PLPBP: variants seen among roughly 807,000 people sequenced by gnomAD.
PLPBP encodes the protein pyridoxal phosphate homeostasis protein.
Under a neutral mutation model 31.2 loss-of-function variants are expected in PLPBP, and 21 were observed. That is an observed-to-expected ratio of 0.67 (90% confidence interval 0.48 to 0.97). The LOEUF (loss-of-function observed/expected upper bound fraction) is 0.97, where lower values mean the gene tolerates loss of function less well. PLPBP is among the 50% of genes least tolerant of loss of function. PLPBP has a pLI of 0.00. For missense variants in PLPBP, 308 were observed against 354.4 expected (o/e 0.87, Z 1.05); for synonymous variants, 124 against 135.6 (o/e 0.91, Z 0.59).
At chr8:37,772,163 T>G (rs1264161749) in intron 4 of PLPBP, among the ~76,000 whole-genome samples, 1 of 152,208 alleles carries the variant, frequency 6.6e-6, no homozygotes, top group Non-Finnish European at 1.5e-5. Flanking sequence ...TGTGATAATC[T>G]GTCCTGTGGA....
rs1026567217 is a variant in PLPBP at position 37,762,654 on chromosome 8, C to G, written c.-6C>G. 7 of 1,574,054 alleles carry G rather than the reference C, an allele frequency of 4.4e-6. No homozygotes were observed. The highest frequency in any genetic ancestry group is 1.2e-5 in the South Asian group (1 of 86,360). ...GGGCCTGGGGCTCGGCGTCGGTCCC[C>G]GGGGGATGTGGAGAGCTGGCAGCAT... On this transcript the variant is annotated 5_prime_UTR_variant, in exon 1 of 8. Coordinates refer to ENST00000328195, the MANE Select transcript of PLPBP (RefSeq NM_007198.4).
At chr8:37,764,481 C>T (rs1369566626) in intron 1 of PLPBP, among the ~76,000 whole-genome samples, 2 of 152,202 alleles carry the variant, frequency 1.3e-5, no homozygotes, top group Admixed American at 1.3e-4. Flanking sequence ...ACCACCACAC[C>T]TGGCTAAGTT....
intron 5 of PLPBP, among the ~76,000 whole-genome samples, chr8:37,773,846 T>A (rs146976931): frequency 1.3e-5 from 2 of 152,232 alleles, no homozygotes; most frequent in East Asian, 3.9e-4. Flanking sequence ...TTTTAAGACC[T>A]AAGATTATAT....
chr8:37,777,257 G>T (rs906048236), intron 7 of PLPBP, among the ~76,000 whole-genome samples: 1 of 152,198 alleles, frequency 6.6e-6, no homozygotes, highest in Non-Finnish European at 1.5e-5. Flanking sequence ...TCTTAAAACA[G>T]TGCAAAAATA....
intron 4 of PLPBP, among the ~76,000 whole-genome samples, chr8:37,771,497 GCTGGTCTTGAACTC>G (rs1803765911): frequency 6.6e-6 from 1 of 151,802 alleles, no homozygotes; most frequent in Non-Finnish European, 1.5e-5. Flanking sequence ...TGTTGGACAG[GCTGGTCTTGAACTC>G]CTGGCCTCAA....
At chr8:37,764,588 A>C (rs1309433798) in intron 1 of PLPBP, among the ~76,000 whole-genome samples, 1 of 152,150 alleles carries the variant, frequency 6.6e-6, no homozygotes, top group Non-Finnish European at 1.5e-5. Context: ...CCCACAGTGC[A>C]GGGATTACAG....
At chr8:37,775,886 G>A (rs1803890218) in intron 6 of PLPBP, 32 bp from the exon 7 acceptor site, 2 of 1,556,178 alleles carry the variant, frequency 1.3e-6, no homozygotes, top group Non-Finnish European at 1.8e-6. Context: ...AGAGAAGGCA[G>A]GAGTAAAATA....
rs568414778 is a variant in PLPBP at position 37,762,675 on chromosome 8, A to C, written c.16A>C (p.Ser6Arg). 3 of 1,586,592 alleles carry C rather than the reference A, an allele frequency of 1.9e-6. No individual in the cohort carries two copies. Among genetic ancestry groups the C allele is most frequent in the South Asian group, 2.3e-5 (2 of 87,502 alleles). The change falls in exon 1 of 8, where the codon AGC (serine) becomes CGC (arginine). Residue 6 changes from serine to arginine, a missense_variant. By Grantham distance (110) the Ser-to-Arg change is moderately radical. Coordinates refer to ENST00000328195, the MANE Select transcript of PLPBP (RefSeq NM_007198.4). MWRAG[S>R]MSAELGVGCA... ...TCCCCGGGGGATGTGGAGAGCTGGCAGCATGTCGGCCGAGCTGGGAGTCGG... is the reference window on the plus strand; with the variant it reads ...TCCCCGGGGGATGTGGAGAGCTGGCCGCATGTCGGCCGAGCTGGGAGTCGG...
chr8:37,770,526 A>G (rs1389189781), intron 4 of PLPBP, among the ~76,000 whole-genome samples: 2 of 152,216 alleles, frequency 1.3e-5, no homozygotes, highest in African/African-American at 2.4e-5. Context: ...TGAAACTACT[A>G]AAAGAAAACA....
At position 37,776,026 on chromosome 8, in the gene PLPBP, C is replaced by CT. The variant is rs747143547; in HGVS notation, c.696+11dup. On this transcript the variant is annotated intron_variant, in intron 7 of 7. Transcript: ENST00000328195. ...GGATTTCCAGCATGCGGTGAGTGTC[C>CT]TGCCAGTGCCCTGTCTGCCTCGAGG... 27 of 1,610,058 alleles carry CT rather than the reference C, an allele frequency of 1.7e-5. No homozygotes were observed. The highest frequency in any genetic ancestry group is 2.3e-5 in the Non-Finnish European group (27 of 1,177,054).
intron 5 of PLPBP, among the ~76,000 whole-genome samples, chr8:37,773,101 T>G (rs1253324848): frequency 2.6e-5 from 4 of 152,200 alleles, no homozygotes; most frequent in African/African-American, 9.7e-5. Context: ...CATGGTTCAT[T>G]ATATCTTAAT....
At chr8:37,772,392 C>G (rs1009279014) in intron 4 of PLPBP, among the ~76,000 whole-genome samples, 1 of 152,210 alleles carries the variant, frequency 6.6e-6, no homozygotes, top group Non-Finnish European at 1.5e-5. Context: ...TTGGCTTCCA[C>G]TGGTCATCCT....
At chr8:37,777,188 A>G (rs1803935056) in intron 7 of PLPBP, among the ~76,000 whole-genome samples, 1 of 152,256 alleles carries the variant, frequency 6.6e-6, no homozygotes, top group Admixed American at 6.5e-5. Flanking sequence ...GAAATAGCAA[A>G]TAACTTGATA....
chr8:37,764,216 C>T (rs902123340), intron 1 of PLPBP, among the ~76,000 whole-genome samples: 10 of 152,212 alleles, frequency 6.6e-5, no homozygotes, highest in African/African-American at 2.4e-4. Flanking sequence ...AATTCTCCTG[C>T]CTCAGCCTCC....
chr8:37,770,090 G>A (rs185977479), intron 4 of PLPBP, among the ~76,000 whole-genome samples: 20 of 152,300 alleles, frequency 1.3e-4, no homozygotes, highest in African/African-American at 4.8e-4. Flanking sequence ...ATCCAGTGCA[G>A]TCCCTATCAG....
At chr8:37,763,816 G>C (rs1414232841) in intron 1 of PLPBP, among the ~76,000 whole-genome samples, 1 of 151,514 alleles carries the variant, frequency 6.6e-6, no homozygotes, top group Non-Finnish European at 1.5e-5. Flanking sequence ...TTTTCTAATT[G>C]ATCTGACTCC....
chr8:37,770,673 G>A (rs1196707142), intron 4 of PLPBP, among the ~76,000 whole-genome samples: 1 of 152,026 alleles, frequency 6.6e-6, no homozygotes, highest in Non-Finnish European at 1.5e-5. Flanking sequence ...CATCTCCTGG[G>A]TTCAAGCGAT....
At chr8:37,777,439 C>G (rs1803943157) in intron 7 of PLPBP, among the ~76,000 whole-genome samples, 1 of 152,160 alleles carries the variant, frequency 6.6e-6, no homozygotes, top group Non-Finnish European at 1.5e-5. Context: ...GCCACACTCT[C>G]CAACCACTGG....
chr8:37,779,363 T>C lies in PLPBP; in HGVS notation c.*1259T>C, dbSNP rs1449507152. On this transcript the variant is annotated 3_prime_UTR_variant, in exon 8 of 8. Coordinates refer to ENST00000328195, the MANE Select transcript of PLPBP (RefSeq NM_007198.4). ...CAACAAAGCCTGGCTTTGACATTCC[T>C]TGTCCTGAGGAGCACTTTCCAGGCA... 2 of 152,124 alleles carry C rather than the reference T, an allele frequency of 1.3e-5. No individual in the cohort carries two copies. The highest frequency in any genetic ancestry group is 2.9e-5 in the Non-Finnish European group (2 of 68,016). The allele number at this position is 152,124 out of a possible 1,614,324, so 9.4% of individuals were successfully genotyped here.
Sources: gnomAD v4.1 joint callset for allele counts (sites outside exome capture counted in the v4.1 genomes callset) on GRCh38, gnomAD v4.1.1 for gene constraint, MANE v1.5 for transcripts, NCBI Gene and HGNC (gene_info 2026-07-23, HGNC 2026-07-21) for gene names.